The following ASIC2 variants were observed in gnomAD, a reference collection of about 807,000 sequenced individuals.
ASIC2 encodes acid-sensing ion channel 2.
Under a neutral mutation model 57.3 loss-of-function variants are expected in ASIC2, and 25 were observed. That is an observed-to-expected ratio of 0.44 (90% CI 0.32 to 0.61). ASIC2 has a LOEUF of 0.61. Ranked by LOEUF, ASIC2 falls within the 20% of genes least tolerant of loss-of-function variation. The probability of loss-of-function intolerance (pLI) is 0.06; values close to 1 mark genes in which losing one functional copy is unlikely to be tolerated. For synonymous variants in ASIC2, 319 were observed against 307.5 expected (o/e 1.04, Z -0.39); for missense variants, 641 against 738.1 (o/e 0.87, Z 1.52).
At chr17:34,111,049 C>T (rs1256887212) in intron 1 of ASIC2, among the ~76,000 whole-genome samples, 1 of 151,978 alleles carries the variant, frequency 6.6e-6, no homozygotes, top group Non-Finnish European at 1.5e-5. Flanking sequence ...CATAGTGAAA[C>T]TCTGTCTCTA....
rs560783574 is a variant in ASIC2, at chr17:33,282,808, C to A, written c.708+8600G>T. 7.9e-5 allele frequency among the ~76,000 whole-genome samples: 12 copies of A among 152,258 alleles called. No homozygotes were observed. The East Asian group carries it at 2.1e-3, about 27-fold the overall frequency. On this transcript the variant is annotated intron_variant, in intron 1 of 9. Coordinates refer to ENST00000225823, the MANE Select transcript of ASIC2 (RefSeq NM_183377.2). ...CTGACTTCTGCTTCCACAGTTCCAT[C>A]TCCTCTCACTCTGATTCTCCCACCT... is the stretch of plus-strand genomic sequence containing the variant.
intron 1 of ASIC2, chr17:34,069,732 T>C (rs972061773): frequency 2.0e-5 from 3 of 152,224 alleles, no homozygotes; most frequent in Admixed American, 1.3e-4. Context: ...CTCTTAGCCA[T>C]TCATTGGTCA....
intron 1 of ASIC2, among the ~76,000 whole-genome samples, chr17:33,859,034 A>G (rs1363987148): frequency 1.3e-5 from 2 of 152,232 alleles, no homozygotes; most frequent in Non-Finnish European, 2.9e-5. Flanking sequence ...CATGTAGTCA[A>G]TATCTGCTGA....
intron 1 of ASIC2, chr17:34,006,824 T>C (rs991201575): frequency 6.6e-6 from 1 of 152,150 alleles, no homozygotes; most frequent in African/African-American, 2.4e-5. Flanking sequence ...GTTGTTGTTA[T>C]TGTTGTTGGT....
At chr17:34,145,166 C>T (rs1912383836) in intron 1 of ASIC2, among the ~76,000 whole-genome samples, 1 of 152,194 alleles carries the variant, frequency 6.6e-6, no homozygotes, top group Non-Finnish European at 1.5e-5. Context: ...ACCAGCCACC[C>T]ACTTCCCACA....
chr17:33,837,628 C>T (rs558146283), intron 1 of ASIC2, among the ~76,000 whole-genome samples: 1 of 152,312 alleles, frequency 6.6e-6, no homozygotes, highest in South Asian at 2.1e-4. Flanking sequence ...TTATGCTTAT[C>T]TGGAGTGTGG....
At chr17:33,317,313 G>T (rs954653820) in intron 1 of ASIC2, among the ~76,000 whole-genome samples, 1 of 152,126 alleles carries the variant, frequency 6.6e-6, no homozygotes, top group African/African-American at 2.4e-5. Context: ...GAGCTCTGAG[G>T]GTAGACCTTA....
intron 3 of ASIC2, among the ~76,000 whole-genome samples, chr17:33,032,628 T>C (rs2091889302): frequency 1.3e-5 from 2 of 152,060 alleles, no homozygotes; most frequent in Admixed American, 1.3e-4. Context: ...TTTGTATTTT[T>C]AGTAGAGCCA....
At chr17:33,055,700 T>C (rs2091995252) in intron 3 of ASIC2, among the ~76,000 whole-genome samples, 1 of 152,172 alleles carries the variant, frequency 6.6e-6, no homozygotes, top group Non-Finnish European at 1.5e-5. Flanking sequence ...ACGCCCTTTC[T>C]TTTTTTAATT....
intron 1 of ASIC2, among the ~76,000 whole-genome samples, chr17:33,633,595 C>T (rs545580593): frequency 1.3e-5 from 2 of 152,286 alleles, no homozygotes; most frequent in East Asian, 3.9e-4. Flanking sequence ...GCCATGTCTG[C>T]CAATTAGCAT....
At chr17:33,837,978 A>G (rs1377977379) in intron 1 of ASIC2, among the ~76,000 whole-genome samples, 1 of 152,172 alleles carries the variant, frequency 6.6e-6, no homozygotes, top group Non-Finnish European at 1.5e-5. Flanking sequence ...ATCTGCTTGG[A>G]TATGGCATAC....
rs547793259 is a variant in ASIC2, at chr17:33,679,846, G to T, written c.555+476132C>A. ...AAGAAGGTCACGGAAAAAAAACAGC[G>T]TGATTCATGGAGAGAGGCCCAGGGC... On this transcript the variant is annotated intron_variant, in intron 1 of 9. Transcript: ENST00000359872. Among the ~76,000 whole-genome samples the T allele has an allele frequency of 1.6e-4, 25 of 152,258 alleles. No homozygotes were observed. In the South Asian group the frequency reaches 4.8e-3, roughly 29 times the overall value.
chr17:34,080,573 G>A (rs1295804064), intron 1 of ASIC2, among the ~76,000 whole-genome samples: 1 of 152,156 alleles, frequency 6.6e-6, no homozygotes, highest in African/African-American at 2.4e-5. Context: ...AAGAACATTA[G>A]CCTGAGAGGT....
At chr17:34,027,488 G>C (rs1907424044) in intron 1 of ASIC2, among the ~76,000 whole-genome samples, 2 of 152,036 alleles carry the variant, frequency 1.3e-5, no homozygotes, top group African/African-American at 4.8e-5. Context: ...GATTTCTAGA[G>C]TCACAAGTTA....
chr17:33,131,202 G>T (rs1567756397), intron 1 of ASIC2, among the ~76,000 whole-genome samples: 1 of 152,150 alleles, frequency 6.6e-6, no homozygotes, highest in Non-Finnish European at 1.5e-5. Context: ...AGCTACCACT[G>T]GAGGCTCATA....
chr17:33,544,607 C>T (rs1315280109), intron 1 of ASIC2, among the ~76,000 whole-genome samples: 2 of 152,102 alleles, frequency 1.3e-5, no homozygotes, highest in South Asian at 2.1e-4. Context: ...TGCTACATTT[C>T]GTTGACTCTA....
At chr17:33,395,617 C>G (rs939122551) in intron 1 of ASIC2, among the ~76,000 whole-genome samples, 1 of 152,190 alleles carries the variant, frequency 6.6e-6, no homozygotes, top group Non-Finnish European at 1.5e-5. Context: ...TTTGTCCATC[C>G]AGTCACTCCT....
chr17:33,447,298 C>G (rs1912062528), intron 1 of ASIC2, among the ~76,000 whole-genome samples: 1 of 152,162 alleles, frequency 6.6e-6, no homozygotes, highest in Non-Finnish European at 1.5e-5. Context: ...CAGAGTCTGT[C>G]TCTGGTGGCA....
intron 2 of ASIC2, chr17:33,099,968 G>A (rs1349447052): frequency 6.6e-6 from 1 of 152,192 alleles, no homozygotes; most frequent in Non-Finnish European, 1.5e-5. Context: ...GAGCTTTCAT[G>A]TGGGATACTG....
Sources: gnomAD v4.1 joint callset for allele counts (sites outside exome capture counted in the v4.1 genomes callset) on GRCh38, gnomAD v4.1.1 for gene constraint, MANE v1.5 for transcripts, NCBI Gene and HGNC (gene_info 2026-07-23, HGNC 2026-07-21) for gene names.